The following DCDC2C variants were observed in gnomAD, a reference collection of about 807,000 sequenced individuals.
The protein encoded by DCDC2C is doublecortin domain-containing protein 2C.
In DCDC2C, 44 loss-of-function variants were observed where a neutral mutation model predicts 45.0. The ratio of observed to expected loss-of-function variants is 0.98; its 90% CI spans 0.77 to 1.26. The LOEUF is 1.26. DCDC2C is among the 50% of genes most tolerant of loss of function. DCDC2C has a pLI of 0.00. For missense variants in DCDC2C, 447 were observed against 468.9 expected, an observed-to-expected ratio of 0.95 and a Z score of 0.43; for synonymous variants, 187 against 178.8, an observed-to-expected ratio of 1.05 and a Z score of -0.37.
intron 6 of DCDC2C, among the ~76,000 whole-genome samples, chr2:3,764,107 G>A (rs140982409): frequency 3.9e-5 from 6 of 152,238 alleles, no homozygotes; most frequent in East Asian, 3.9e-4. Flanking sequence ...ATTTCTCATC[G>A]CTTACCTCTA....
intron 4 of DCDC2C, among the ~76,000 whole-genome samples, chr2:3,750,042 C>G (rs1388116198): frequency 6.6e-6 from 1 of 151,792 alleles, no homozygotes; most frequent in Non-Finnish European, 1.5e-5. Context: ...CCTTGCCTTC[C>G]TCTGCCTGTT....
At chr2:3,829,284 C>CTTTTTTT (rs5828893) in intron 10 of DCDC2C, among the ~76,000 whole-genome samples, 2 of 129,580 alleles carry the variant, frequency 1.5e-5, no homozygotes, top group African/African-American at 2.9e-5. Context: ...ATGTCTTTTT[C>CTTTTTTT]TTTTTTTTTT....
intron 3 of DCDC2C, among the ~76,000 whole-genome samples, chr2:3,728,626 C>G (rs1217593699): frequency 6.6e-6 from 1 of 152,204 alleles, no homozygotes; most frequent in African/African-American, 2.4e-5. Context: ...GGAATTTCCA[C>G]TAGATGGACC....
chr2:3,709,276 C>T (rs1391579152), intron 2 of DCDC2C, among the ~76,000 whole-genome samples: 2 of 152,206 alleles, frequency 1.3e-5, no homozygotes, highest in African/African-American at 4.8e-5. Flanking sequence ...TAAATTTCCT[C>T]ACCTGTAAAA....
intron 10 of DCDC2C, among the ~76,000 whole-genome samples, chr2:3,799,903 G>C (rs1671067709): frequency 6.6e-6 from 1 of 152,248 alleles, no homozygotes; most frequent in Non-Finnish European, 1.5e-5. Context: ...CACCCAGTTC[G>C]AGCTTCCCAG....
chr2:3,836,043 C>T (rs1672067538), intron 10 of DCDC2C, among the ~76,000 whole-genome samples: 1 of 152,170 alleles, frequency 6.6e-6, no homozygotes, highest in Non-Finnish European at 1.5e-5. Flanking sequence ...TGTGGCCAGC[C>T]AAAATCATTG....
At chr2:3,800,518 A>C (rs1671088141) in intron 10 of DCDC2C, among the ~76,000 whole-genome samples, 1 of 152,236 alleles carries the variant, frequency 6.6e-6, no homozygotes, top group African/African-American at 2.4e-5. Context: ...AGAATTAGCA[A>C]CTATAGTTTG....
intron 3 of DCDC2C, among the ~76,000 whole-genome samples, chr2:3,740,981 A>G (rs1252846233): frequency 6.6e-6 from 1 of 152,224 alleles, no homozygotes; most frequent in Non-Finnish European, 1.5e-5. Context: ...GATATCATTT[A>G]TTATTTTTAG....
At position 3,835,217 on chromosome 2, in the gene DCDC2C, C is replaced by T. The variant is rs187646381; in HGVS notation, c.1066-11937C>T. ...TAAAATCTTTCTAAGAAATGCGGGG[C>T]GTTCCCTTACTTTTAAGAATGTGTG... On this transcript the variant is annotated intron_variant, in intron 10 of 10. Transcript: ENST00000399143. Among the ~76,000 whole-genome samples, 90 of 152,296 alleles carry T rather than the reference C, an allele frequency of 5.9e-4. 1 individual carries two copies. The highest frequency in any genetic ancestry group is 5.9e-3 in the Admixed American group (90 of 15,298).
intron 1 of DCDC2C, among the ~76,000 whole-genome samples, chr2:3,706,958 G>T (rs73910336): frequency 0.012 from 1,891 of 152,364 alleles, 34 homozygotes; most frequent in African/African-American, 0.042. Flanking sequence ...ACGGTTGGGA[G>T]AATGGAATGA....
intron 10 of DCDC2C, among the ~76,000 whole-genome samples, chr2:3,812,471 CTT>C (rs1671424175): frequency 6.6e-6 from 1 of 152,004 alleles, no homozygotes. Flanking sequence ...ATTCTCTTCT[CTT>C]GTCTTCTTTA....
intron 10 of DCDC2C, among the ~76,000 whole-genome samples, chr2:3,819,801 C>A (rs1671643474): frequency 6.6e-6 from 1 of 152,150 alleles, no homozygotes; most frequent in South Asian, 2.1e-4. Context: ...TTAGCTCTGG[C>A]CACCTCTTTA....
chr2:3,744,281 G>A (rs773418632), intron 4 of DCDC2C, among the ~76,000 whole-genome samples: 17 of 152,210 alleles, frequency 1.1e-4, no homozygotes, highest in Non-Finnish European at 2.1e-4. Flanking sequence ...CACAGCAGGC[G>A]GAGCCATTGC....
At chr2:3,804,874 A>G (rs1671194348) in intron 10 of DCDC2C, among the ~76,000 whole-genome samples, 2 of 152,178 alleles carry the variant, frequency 1.3e-5, no homozygotes, top group South Asian at 2.1e-4. Flanking sequence ...TGCACCTTCT[A>G]TTGAATTATT....
intron 10 of DCDC2C, among the ~76,000 whole-genome samples, chr2:3,836,977 A>C (rs1672095943): frequency 6.6e-6 from 1 of 152,120 alleles, no homozygotes; most frequent in East Asian, 1.9e-4. Flanking sequence ...TAAAAGGAGG[A>C]CCAGAACTCC....
chr2:3,761,246 G>C lies in DCDC2C; in HGVS notation c.727-6508G>C, dbSNP rs1247305982. ...GGCTTCTGTGAAAAATCAGTAAATA[G>C]TTAATAAGCATTGTATTTATATCAC... is the stretch of plus-strand genomic sequence containing the variant. On this transcript the variant is annotated intron_variant, in intron 6 of 10. Transcript: ENST00000399143. The surrounding 1 kb of genome is among the most constrained non-coding windows in gnomAD (Gnocchi z 4.3). Among the ~76,000 whole-genome samples the C allele has an allele frequency of 6.6e-6, 1 of 152,140 alleles. No individual in the cohort carries two copies. Among genetic ancestry groups the C allele is most frequent in the East Asian group, 1.9e-4 (1 of 5,202 alleles).
intron 1 of DCDC2C, among the ~76,000 whole-genome samples, chr2:3,705,143 T>G (rs1261492878): frequency 6.6e-6 from 1 of 152,178 alleles, no homozygotes; most frequent in Non-Finnish European, 1.5e-5. Context: ...TTGTTTGTTG[T>G]TTTTTGAAAA....
At chr2:3,820,430 G>A (rs1233545804) in intron 10 of DCDC2C, among the ~76,000 whole-genome samples, 2 of 152,116 alleles carry the variant, frequency 1.3e-5, no homozygotes, top group African/African-American at 4.8e-5. Flanking sequence ...GTAGAGACAC[G>A]GAGAAGGGGG....
At chr2:3,708,666 C>T (rs1035536755) in intron 2 of DCDC2C, 66 bp downstream of exon 2, 17 of 1,252,606 alleles carry the variant, frequency 1.4e-5, no homozygotes, top group Non-Finnish European at 1.9e-5. Flanking sequence ...ATTTAAATGT[C>T]GGCACGGAAT....
Sources: gnomAD v4.1 joint callset for allele counts (sites outside exome capture counted in the v4.1 genomes callset) on GRCh38, gnomAD v4.1.1 for gene constraint, Gnocchi (gnomAD v3.1) non-coding constraint, MANE v1.5 for transcripts, NCBI Gene and HGNC (gene_info 2026-07-23, HGNC 2026-07-21) for gene names.